Variants in RFX4 observed in about 807,000 individuals in gnomAD.
RFX4 encodes transcription factor RFX4.
Under a neutral mutation model 95.0 loss-of-function variants are expected in RFX4, and 10 were observed. That is an observed-to-expected ratio of 0.11 (90% CI 0.06 to 0.18). The LOEUF (loss-of-function observed/expected upper bound fraction) is 0.18. RFX4 is among the 10% of genes least tolerant of loss of function. The pLI, the probability that RFX4 is intolerant of heterozygous loss-of-function variation, is 1.00. For synonymous variants in RFX4, 321 were observed against 340.7 expected, an observed-to-expected ratio of 0.94 and a Z score of 0.64; for missense variants, 640 against 922.0, an observed-to-expected ratio of 0.69 and a Z score of 3.96.
chr12:106,587,371 T>C (rs2039474909), intron 1 of RFX4, among the ~76,000 whole-genome samples: 1 of 152,080 alleles, frequency 6.6e-6, no homozygotes, highest in Non-Finnish European at 1.5e-5. Context: ...CAAAATATTA[T>C]GAGTGCAGTT....
At chr12:106,709,687 G>A (rs2042155616) in intron 9 of RFX4, among the ~76,000 whole-genome samples, 1 of 152,212 alleles carries the variant, frequency 6.6e-6, no homozygotes, top group Admixed American at 6.5e-5. Context: ...TTTTCTCCCA[G>A]GTCTGTCTGA....
At chr12:106,679,728 TG>T (rs2041468503) in intron 4 of RFX4, among the ~76,000 whole-genome samples, 1 of 152,210 alleles carries the variant, frequency 6.6e-6, no homozygotes, top group Non-Finnish European at 1.5e-5. Flanking sequence ...GCTATTAGCA[TG>T]TCTATGTCTG....
chr12:106,621,842 A>G (rs1032971090), intron 2 of RFX4, among the ~76,000 whole-genome samples: 1 of 152,184 alleles, frequency 6.6e-6, no homozygotes. Context: ...GTGTTTCGGG[A>G]AAACGCCAAG....
intron 1 of RFX4, among the ~76,000 whole-genome samples, chr12:106,588,221 GA>G (rs1298449052): frequency 6.6e-6 from 1 of 152,134 alleles, no homozygotes; most frequent in Admixed American, 6.5e-5. Context: ...CAATAACCAT[GA>G]ACAACTCTTT....
intron 4 of RFX4, among the ~76,000 whole-genome samples, chr12:106,658,298 A>C (rs1477267983): frequency 6.6e-6 from 1 of 152,172 alleles, no homozygotes; most frequent in Non-Finnish European, 1.5e-5. Context: ...GTACACATGG[A>C]AACTAGCTGT....
chr12:106,746,220 G>A (rs1379032605), intron 15 of RFX4, among the ~76,000 whole-genome samples: 1 of 152,100 alleles, frequency 6.6e-6, no homozygotes, highest in Non-Finnish European at 1.5e-5. Context: ...GCCAGGCATG[G>A]TGGTGTGCAC....
At chr12:106,724,985 C>G (rs1193615030) in intron 13 of RFX4, among the ~76,000 whole-genome samples, 2 of 150,930 alleles carry the variant, frequency 1.3e-5, no homozygotes, top group East Asian at 3.9e-4. Context: ...TGAACTCCAG[C>G]CTGGGTGACG....
chr12:106,758,706 C>A (rs1298332504), intron 17 of RFX4, among the ~76,000 whole-genome samples: 1 of 152,198 alleles, frequency 6.6e-6, no homozygotes, highest in African/African-American at 2.4e-5. Flanking sequence ...GTCTAATGGG[C>A]TGGCCTCCAA....
chr12:106,640,258 A>T (rs2040593179), intron 3 of RFX4, among the ~76,000 whole-genome samples: 1 of 152,248 alleles, frequency 6.6e-6, no homozygotes, highest in Non-Finnish European at 1.5e-5. Flanking sequence ...AATCAGTGGC[A>T]GAGGCAGGAA....
At chr12:106,588,812 C>A (rs539205837) in intron 1 of RFX4, among the ~76,000 whole-genome samples, 1 of 152,314 alleles carries the variant, frequency 6.6e-6, no homozygotes, top group South Asian at 2.1e-4. Flanking sequence ...TTGAGCCTCC[C>A]AGGCACTCCA....
At chr12:106,751,000 T>C (rs931696542) in intron 17 of RFX4, among the ~76,000 whole-genome samples, 6 of 151,862 alleles carry the variant, frequency 4.0e-5, no homozygotes, top group African/African-American at 1.5e-4. Flanking sequence ...GTTAGTTACA[T>C]ACGTATACAT....
intron 2 of RFX4, among the ~76,000 whole-genome samples, chr12:106,625,273 T>A (rs975879064): frequency 2.6e-5 from 4 of 152,194 alleles, no homozygotes; most frequent in African/African-American, 9.7e-5. Flanking sequence ...ATTGATTCAG[T>A]TGATTCGCTA....
intron 1 of RFX4, among the ~76,000 whole-genome samples, chr12:106,598,018 C>G (rs2039646641): frequency 6.6e-6 from 1 of 152,184 alleles, no homozygotes; most frequent in South Asian, 2.1e-4. Flanking sequence ...TGCATTTGTT[C>G]ACCTAAATCT....
Position 106,640,027 on chromosome 12 carries a change from G to A in RFX4, c.191+635G>A, listed in dbSNP as rs762745896. Among the ~76,000 whole-genome samples the A allele has an allele frequency of 7.9e-5, 12 of 152,266 alleles. No homozygotes were observed. The East Asian group carries it at 1.5e-3, about 20-fold the overall frequency. ...CGATTATTCCCCTAGCAGTGCAGCCGAGCAATATGAAGGAATTAAGGAATG... is the reference window on the plus strand; with the variant it reads ...CGATTATTCCCCTAGCAGTGCAGCCAAGCAATATGAAGGAATTAAGGAATG... On this transcript the variant is annotated intron_variant, in intron 3 of 17. Transcript: ENST00000392842.
chr12:106,703,873 C>T (rs568451213), intron 8 of RFX4, among the ~76,000 whole-genome samples: 5 of 152,134 alleles, frequency 3.3e-5, no homozygotes, highest in African/African-American at 1.2e-4. Flanking sequence ...TGAGAACAGC[C>T]TGGCCAATGT....
At chr12:106,672,574 A>C (rs1565973568) in intron 4 of RFX4, among the ~76,000 whole-genome samples, 1 of 152,328 alleles carries the variant, frequency 6.6e-6, no homozygotes, top group Non-Finnish European at 1.5e-5. Flanking sequence ...ACAGCTCCAC[A>C]AAAGTGTTTT....
At chr12:106,732,876 C>T (rs765870478) in intron 14 of RFX4, 48 bp from the exon 15 acceptor site, 25 of 1,575,766 alleles carry the variant, frequency 1.6e-5, no homozygotes, top group Non-Finnish European at 2.2e-5. Context: ...TTTAGAGACA[C>T]TTGCCTTTAC....
At chr12:106,754,555 C>T (rs1260636424) in intron 17 of RFX4, among the ~76,000 whole-genome samples, 2 of 152,172 alleles carry the variant, frequency 1.3e-5, no homozygotes, top group Non-Finnish European at 2.9e-5. Flanking sequence ...CATTCCCCCT[C>T]ATGAAATGGC....
intron 1 of RFX4, among the ~76,000 whole-genome samples, chr12:106,593,856 G>T (rs553515009): frequency 3.9e-5 from 6 of 152,276 alleles, no homozygotes; most frequent in African/African-American, 1.4e-4. Context: ...AAGTCATTAG[G>T]ATTTTATAAA....
Sources: allele counts gnomAD v4.1 joint callset (sites outside exome capture counted in the v4.1 genomes callset), GRCh38; gene constraint gnomAD v4.1.1; transcripts MANE v1.5; gene names NCBI Gene and HGNC (gene_info 2026-07-23, HGNC 2026-07-21).